The following TRAPPC10 variants were observed in gnomAD, a reference collection of about 807,000 sequenced individuals.
TRAPPC10 encodes the protein trafficking protein particle complex subunit 10, also known as TRAPP 130 kDa subunit.
Under a neutral mutation model 125.5 loss-of-function variants are expected in TRAPPC10, and 23 were observed. The ratio of observed to expected loss-of-function variants is 0.18; its 90% CI spans 0.13 to 0.26. The LOEUF (loss-of-function observed/expected upper bound fraction) is 0.26. TRAPPC10 is among the 10% of genes least tolerant of loss of function. The pLI is 1.00. For missense variants in TRAPPC10, 1,123 were observed against 1,308.4 expected (o/e 0.86, Z 2.19); for synonymous variants, 509 against 518.0 (o/e 0.98, Z 0.24).
chr21:44,052,374 T>C lies in TRAPPC10; in HGVS notation c.380T>C (p.Ile127Thr). The C allele has an allele frequency of 1.2e-6, 2 of 1,614,112 alleles. No homozygotes were observed. The highest frequency in any genetic ancestry group is 1.1e-5 in the South Asian group (1 of 91,070). ...AHSSVDWLIVIVENDAKKKNK... is the reference protein window; with the variant it reads ...AHSSVDWLIVTVENDAKKKNK... ...AGCTCTGTGGACTGGTTAATAGTGA[T>C]AGTTGAAAATGATGCCAAGAAAAAA... The change falls in exon 4 of 23, where the codon ATA becomes ACA. Residue 127 changes from isoleucine (I) to threonine (T), a missense_variant. Transcript: ENST00000291574.
At position 44,030,930 on chromosome 21, in the gene TRAPPC10, A is replaced by G. The variant is rs529096607; in HGVS notation, c.68-1161A>G. On this transcript the variant is annotated intron_variant, in intron 1 of 22. Coordinates refer to ENST00000291574, the MANE Select transcript of TRAPPC10 (RefSeq NM_003274.5). ...TGACTGACGTGTCTTGTCTCATTTAATCCTCACCAGAGCTCCTCTGGCCGA... is the reference window on the plus strand; with the variant it reads ...TGACTGACGTGTCTTGTCTCATTTAGTCCTCACCAGAGCTCCTCTGGCCGA... Among the ~76,000 whole-genome samples, 3 of 152,280 alleles carry G rather than the reference A, an allele frequency of 2.0e-5. No homozygotes were observed. In the South Asian group the frequency reaches 6.2e-4, roughly 32 times the overall value.
In TRAPPC10 at chr21:44,089,406, T is replaced by TA. The variant is rs1220798500; in HGVS notation, c.2770-427_2770-426insA. ...CACATGGATTAAATGCTTAGATAAT[T>TA]CATTAACTATGGAGTAGTTACTGAT... On this transcript the variant is annotated intron_variant, in intron 17 of 22. Coordinates refer to ENST00000291574, the MANE Select transcript of TRAPPC10 (RefSeq NM_003274.5). 3.9e-5 allele frequency: 15 copies of TA among 381,922 alleles called. No individual in the cohort carries two copies. The Admixed American group carries it at 4.5e-4, about 11-fold the overall frequency. The allele number at this position is 381,922 out of a possible 1,614,324, so 23.7% of individuals were successfully genotyped here.
In TRAPPC10 at chr21:44,087,724, G is replaced by T. The variant is rs749950299; in HGVS notation, c.2565G>T (p.Arg855=). Residue 855 remains arginine (R), a synonymous_variant, in exon 17 of 23, where the codon CGG becomes CGT. Coordinates refer to ENST00000291574, the MANE Select transcript of TRAPPC10 (RefSeq NM_003274.5). The surrounding 1 kb of genome is among the most constrained non-coding windows in gnomAD (Gnocchi z 4.6). ...TREQSSEAAL[R]IQSSDKVTSI... ...AACAGTCTTCTGAGGCCGCGCTCCG[G>T]ATTCAGTCCTCCGACAAGGTCACGA... is the stretch of plus-strand genomic sequence containing the variant. The T allele has an allele frequency of 3.7e-6, 6 of 1,614,018 alleles. No individual in the cohort carries two copies. In the South Asian group the frequency reaches 6.6e-5, roughly 18 times the overall value.
chr21:44,012,579 G>C lies in TRAPPC10; in HGVS notation c.67+19G>C. The C allele has an allele frequency of 6.5e-7, 1 of 1,530,708 alleles. No homozygotes were observed. Among genetic ancestry groups the C allele is most frequent in the South Asian group, 1.2e-5 (1 of 83,224 alleles). The allele number at this position is 1,530,708 out of a possible 1,614,324, so 94.8% of individuals were successfully genotyped here. A position where few individuals can be genotyped will look rare whatever the true frequency, so the allele number is the denominator to read the frequency against. On this transcript the variant is annotated intron_variant, in intron 1 of 22. Coordinates refer to ENST00000291574, the MANE Select transcript of TRAPPC10 (RefSeq NM_003274.5). The stretch of plus-strand genomic sequence containing the variant: ...GTCACCTGTGAGTGCCCGGAGGCGG[G>C]GAGGGCGCGGCGGTCGTTGGGCGGG...
rs115171571 is a variant in TRAPPC10, at chr21:44,062,227, C to T, written c.791-1311C>T. Among the ~76,000 whole-genome samples, 454 of 152,302 alleles carry T rather than the reference C, an allele frequency of 3.0e-3. 2 individuals are homozygous for T. The highest frequency in any genetic ancestry group is 9.2e-3 in the African/African-American group (381 of 41,564). On this transcript the variant is annotated intron_variant, in intron 6 of 22. Transcript: ENST00000291574. ...AATTTTGCCACTGAATAAGATGGTTCGTTTTTGTTCTTTCATTCAACAAAT... is the reference window on the plus strand; with the variant it reads ...AATTTTGCCACTGAATAAGATGGTTTGTTTTTGTTCTTTCATTCAACAAAT...
chr21:44,089,472 G>A (rs1234087607), intron 17 of TRAPPC10: 2 of 449,572 alleles, frequency 4.4e-6, no homozygotes, highest in African/African-American at 4.0e-5. Context: ...AAAGCACTTT[G>A]TCAAAACCCT....
chr21:44,068,144 C>A lies in TRAPPC10; in HGVS notation c.1038+4359C>A, dbSNP rs1467564772. 2.0e-5 allele frequency among the ~76,000 whole-genome samples: 3 copies of A among 150,940 alleles called. No individual in the cohort carries two copies. In the East Asian group the frequency reaches 5.8e-4, roughly 29 times the overall value. The stretch of plus-strand genomic sequence containing the variant: ...AAAAAAAAAAAAAAAAGGACTCATT[C>A]ACTTATCAGATCTTCATTGAGCTTC... On this transcript the variant is annotated intron_variant, in intron 7 of 22. Coordinates refer to ENST00000291574, the MANE Select transcript of TRAPPC10 (RefSeq NM_003274.5).
intron 7 of TRAPPC10, among the ~76,000 whole-genome samples, chr21:44,065,902 T>G (rs2036416248): frequency 6.6e-6 from 1 of 152,248 alleles, no homozygotes; most frequent in South Asian, 2.1e-4. Flanking sequence ...TGTCTCACTG[T>G]GTCGCCCAGG....
chr21:44,091,869 T>C (rs1437487348), intron 18 of TRAPPC10, 54 bp from the exon 19 acceptor site: 29 of 1,561,032 alleles, frequency 1.9e-5, no homozygotes, highest in South Asian at 9.1e-5. Flanking sequence ...AGCTAAGATA[T>C]ATTTAATAAA....
intron 20 of TRAPPC10, among the ~76,000 whole-genome samples, chr21:44,096,101 TC>T (rs1006461555): frequency 2.0e-5 from 1 of 50,132 alleles, no homozygotes; most frequent in African/African-American, 8.5e-5. Flanking sequence ...GTTGTGGCTG[TC>T]CCAATTGGCA....
At chr21:44,047,565 T>TGTGTGTGTGTGTGTGTGTGTGTGTGA in intron 3 of TRAPPC10, among the ~76,000 whole-genome samples, 1 of 147,204 alleles carries the variant, frequency 6.8e-6, no homozygotes, top group East Asian at 2.0e-4. Context: ...TGTGTGTGTG[T>TGTGTGTGTGTGTGTGTGTGTGTGTGA]GCGCGCACAC....
At chr21:44,019,769 C>T (rs377133019) in intron 1 of TRAPPC10, among the ~76,000 whole-genome samples, 1 of 152,216 alleles carries the variant, frequency 6.6e-6, no homozygotes, top group South Asian at 2.1e-4. Flanking sequence ...ATGCCACCTG[C>T]CGCACCACTG....
chr21:44,020,125 CTTTTT>C (rs113935496), intron 1 of TRAPPC10, among the ~76,000 whole-genome samples: 1 of 139,620 alleles, frequency 7.2e-6, no homozygotes, highest in South Asian at 2.3e-4. Flanking sequence ...CTTTTCTTTT[CTTTTT>C]TTTTTTTTGA....
intron 7 of TRAPPC10, among the ~76,000 whole-genome samples, chr21:44,073,548 A>G (rs774095166): frequency 6.6e-6 from 1 of 152,168 alleles, no homozygotes; most frequent in Non-Finnish European, 1.5e-5. Context: ...TTTTAAGTGG[A>G]AAGGCTCAAG....
intron 1 of TRAPPC10, among the ~76,000 whole-genome samples, chr21:44,017,745 T>G (rs969475139): frequency 2.6e-5 from 4 of 152,074 alleles, no homozygotes; most frequent in Admixed American, 6.5e-5. Flanking sequence ...TGGTTTTTTT[T>G]TTTTCTTCTT....
Position 44,075,081 on chromosome 21 carries a change from G to A in TRAPPC10, c.1228G>A (p.Gly410Arg). The change falls in exon 9 of 23, where the codon GGA becomes AGA. Residue 410 changes from glycine to arginine, a missense_variant. Transcript: ENST00000291574. Reference protein sequence around the residue: ...GYLCGLVSEKGPNSEDLNRTV... With the variant: ...GYLCGLVSEKRPNSEDLNRTV... The stretch of plus-strand genomic sequence containing the variant: ...TCTATGTGGACTTGTGTCAGAGAAA[G>A]GACCTAACTCAGAAGATCTCAACAG... 1 of 1,614,176 alleles carries A rather than the reference G, an allele frequency of 6.2e-7. No individual in the cohort carries two copies. Among genetic ancestry groups the A allele is most frequent in the South Asian group, 1.1e-5 (1 of 91,082 alleles).
intron 17 of TRAPPC10, chr21:44,089,180 G>A (rs533665112): frequency 6.1e-5 from 18 of 293,018 alleles, no homozygotes; most frequent in African/African-American, 3.6e-4. Context: ...CTTCCCTGGC[G>A]CTGGTGGCAC....
chr21:44,067,386 A>G (rs2036528504), intron 7 of TRAPPC10, among the ~76,000 whole-genome samples: 1 of 152,028 alleles, frequency 6.6e-6, no homozygotes, highest in Non-Finnish European at 1.5e-5. Context: ...TGTACCCGAC[A>G]CCCTGCTGGG....
chr21:44,055,577 CA>C (rs548421815), intron 4 of TRAPPC10, 120 bp from the exon 5 acceptor site: 87,364 of 579,884 alleles, frequency 0.15, 58 homozygotes, highest in East Asian at 0.18. Context: ...AACTCTGTCT[CA>C]AAAAAAAAAA....
Sources: allele counts gnomAD v4.1 joint callset (sites outside exome capture counted in the v4.1 genomes callset), GRCh38; gene constraint gnomAD v4.1.1; non-coding constraint Gnocchi (gnomAD v3.1); transcripts MANE v1.5; gene names NCBI Gene and HGNC (gene_info 2026-07-23, HGNC 2026-07-21).